Variants in SLC1A6 observed in about 807,000 individuals in gnomAD.
The protein encoded by SLC1A6 is excitatory amino acid transporter 4.
In SLC1A6, 15 loss-of-function variants were observed where a neutral mutation model predicts 42.1. That is an observed-to-expected ratio of 0.36 (90% CI 0.24 to 0.55). The LOEUF (loss-of-function observed/expected upper bound fraction) is 0.55, where lower values mean the gene tolerates loss of function less well. Ranked by LOEUF, SLC1A6 falls within the 20% of genes least tolerant of loss-of-function variation. The probability of loss-of-function intolerance (pLI) is 0.88; values close to 1 mark genes in which losing one functional copy is unlikely to be tolerated. For synonymous variants in SLC1A6, 317 were observed against 319.7 expected (o/e 0.99, Z 0.09); for missense variants, 542 against 772.5 (o/e 0.70, Z 3.54).
chr19:14,967,323 C>T (rs1012613484), intron 4 of SLC1A6, among the ~76,000 whole-genome samples: 5 of 152,160 alleles, frequency 3.3e-5, no homozygotes, highest in Non-Finnish European at 5.9e-5. Context: ...AGTCAGAAAT[C>T]ATATCAAAAT....
chr19:14,987,499 A>T (rs1358166967), intron 1 of SLC1A6, among the ~76,000 whole-genome samples: 2 of 152,070 alleles, frequency 1.3e-5, no homozygotes, highest in African/African-American at 4.8e-5. Context: ...ATTAAAAATA[A>T]TAATTATAAT....
At chr19:14,970,524 G>A (rs113464626) in intron 3 of SLC1A6, among the ~76,000 whole-genome samples, 7,353 of 151,070 alleles carry the variant, frequency 0.049, 372 homozygotes, top group Admixed American at 0.11. Context: ...ATCCTGGCTA[G>A]CACGGTGAAA....
In SLC1A6 at chr19:15,001,454, A is replaced by G. The variant is rs185978843; in HGVS notation, c.6+9031T>C. ...GAGGGGAAAAACAAATGCAAAGACTATGAGAATAAACACGGATGGTGAGCA... is the reference window on the plus strand; with the variant it reads ...GAGGGGAAAAACAAATGCAAAGACTGTGAGAATAAACACGGATGGTGAGCA... On this transcript the variant is annotated intron_variant, in intron 1 of 8. Coordinates refer to the SLC1A6 transcript ENST00000430939. 1.9e-3 allele frequency among the ~76,000 whole-genome samples: 287 copies of G among 152,310 alleles called. 1 individual carries two copies. Among genetic ancestry groups the G allele is most frequent in the Middle Eastern group, 3.4e-3 (1 of 294 alleles).
At chr19:14,973,794 G>C (rs1396547567) in intron 1 of SLC1A6, 1 of 152,318 alleles carries the variant, frequency 6.6e-6, no homozygotes, top group Non-Finnish European at 1.5e-5. Flanking sequence ...CTTTTCACAA[G>C]GACAAAATCA....
At chr19:14,967,879 T>C (rs978507010) in intron 4 of SLC1A6, among the ~76,000 whole-genome samples, 1 of 152,190 alleles carries the variant, frequency 6.6e-6, no homozygotes, top group African/African-American at 2.4e-5. Flanking sequence ...CCACTGACCA[T>C]GGGCTGGTTC....
intron 3 of SLC1A6, among the ~76,000 whole-genome samples, chr19:14,969,454 G>A (rs2045612665): frequency 6.6e-6 from 1 of 152,228 alleles, no homozygotes; most frequent in Non-Finnish European, 1.5e-5. Context: ...TCAGGTGGCA[G>A]TAGAGCTGGG....
At chr19:14,964,760 C>A (rs149417281) in intron 4 of SLC1A6, among the ~76,000 whole-genome samples, 107 of 152,304 alleles carry the variant, frequency 7.0e-4, no homozygotes, top group African/African-American at 2.5e-3. Context: ...AACTCTTAAA[C>A]CCTTTTAACT....
At chr19:14,980,005 G>A (rs1027304642), upstream of SLC1A6, 1 of 152,338 alleles carries the variant, frequency 6.6e-6, no homozygotes, top group African/African-American at 2.4e-5. Flanking sequence ...CGGGGAACAG[G>A]CCCTGGCACC....
chr19:14,966,771 T>A (rs984161308), intron 4 of SLC1A6, among the ~76,000 whole-genome samples: 4 of 151,884 alleles, frequency 2.6e-5, no homozygotes, highest in African/African-American at 9.7e-5. Flanking sequence ...CAAACTGACA[T>A]AGAAACAGAA....
rs1446919513 is a variant in SLC1A6 at position 14,950,397 on chromosome 19, C to A, written c.1500-7G>T. ...CATTGTGCGAAGCCGGTCACTGGTA[C>A]AGGGGAGAAAGAAGCTGCCATTAAT... On this transcript the variant is annotated splice_region_variant and splice_polypyrimidine_tract_variant and intron_variant, in intron 9 of 9. Coordinates refer to ENST00000594383, the MANE Select transcript of SLC1A6 (RefSeq NM_005071.3). The A allele has an allele frequency of 6.5e-7, 1 of 1,543,066 alleles. No individual in the cohort carries two copies. Among genetic ancestry groups the A allele is most frequent in the Non-Finnish European group, 8.8e-7 (1 of 1,137,538 alleles).
intron 3 of SLC1A6, among the ~76,000 whole-genome samples, chr19:14,969,145 CCTAA>C (rs1359969156): frequency 6.6e-6 from 1 of 152,086 alleles, no homozygotes; most frequent in African/African-American, 2.4e-5. Context: ...TGGCCCATAA[CCTAA>C]CTTTCATTCC....
chr19:14,982,621 C>T (rs188002659), upstream of SLC1A6, among the ~76,000 whole-genome samples: 1 of 152,218 alleles, frequency 6.6e-6, no homozygotes, highest in Admixed American at 6.5e-5. Flanking sequence ...ACAAATGTGC[C>T]ATACTAATGA....
intron 6 of SLC1A6, among the ~76,000 whole-genome samples, chr19:14,959,105 A>T (rs2045487336): frequency 6.6e-6 from 1 of 152,218 alleles, no homozygotes; most frequent in Non-Finnish European, 1.5e-5. Flanking sequence ...TCACAGGCAC[A>T]TAGTACATTC....
intron 1 of SLC1A6, 63 bp from the exon 2 acceptor site, chr19:14,972,980 T>G: frequency 7.5e-7 from 1 of 1,325,318 alleles, no homozygotes; most frequent in Non-Finnish European, 1.0e-6. Context: ...CGTGGGCAGA[T>G]GGCGAAGGCT....
At chr19:15,006,508 T>C (rs1398383304) in intron 1 of SLC1A6, among the ~76,000 whole-genome samples, 3 of 152,106 alleles carry the variant, frequency 2.0e-5, no homozygotes, top group Non-Finnish European at 4.4e-5. Flanking sequence ...CCAGGATGGC[T>C]GGCGTGGGAG....
intron 1 of SLC1A6, among the ~76,000 whole-genome samples, chr19:14,976,009 A>G (rs1276996236): frequency 6.6e-6 from 1 of 152,152 alleles, no homozygotes; most frequent in Non-Finnish European, 1.5e-5. Flanking sequence ...TAACCAAGAA[A>G]GGGTGGTGCC....
chr19:15,001,374 C>G (rs2045871803), intron 1 of SLC1A6, among the ~76,000 whole-genome samples: 1 of 151,828 alleles, frequency 6.6e-6, no homozygotes, highest in Non-Finnish European at 1.5e-5. Flanking sequence ...GAACAGAGAC[C>G]CAAAGCAAGA....
intron 1 of SLC1A6, among the ~76,000 whole-genome samples, chr19:14,994,250 G>C (rs2045834468): frequency 6.6e-6 from 1 of 151,974 alleles, no homozygotes; most frequent in Non-Finnish European, 1.5e-5. Context: ...GAGGCAAGAG[G>C]GATGAAAGAG....
chr19:14,956,778 C>T (rs76962952), intron 6 of SLC1A6, 69 bp from the exon 7 acceptor site: 20,338 of 1,079,596 alleles, frequency 0.019, 659 homozygotes, highest in African/African-American at 0.099. Flanking sequence ...AAGGTGGCAT[C>T]CCCAAGGCTT....
Sources: allele counts gnomAD v4.1 joint callset (sites outside exome capture counted in the v4.1 genomes callset), GRCh38; gene constraint gnomAD v4.1.1; transcripts MANE v1.5; gene names NCBI Gene and HGNC (gene_info 2026-07-23, HGNC 2026-07-21).